The following ZNF566 variants were observed in gnomAD, a reference collection of about 807,000 sequenced individuals.
The protein encoded by ZNF566 is zinc finger protein 566.
Under a neutral mutation model 32.8 loss-of-function variants are expected in ZNF566, and 27 were observed. The observed-to-expected ratio is 0.82, with a 90% CI of 0.61 to 1.14. ZNF566 has a LOEUF of 1.14. ZNF566 is among the 50% of genes most tolerant of loss of function. ZNF566 has a pLI of 0.00. For synonymous variants in ZNF566, 154 were observed against 159.5 expected, an observed-to-expected ratio of 0.97 and a Z score of 0.26; for missense variants, 402 against 490.4, an observed-to-expected ratio of 0.82 and a Z score of 1.70.
intron 4 of ZNF566, among the ~76,000 whole-genome samples, chr19:36,452,752 G>A (rs2033188882): frequency 6.6e-6 from 1 of 151,940 alleles, no homozygotes; most frequent in Non-Finnish European, 1.5e-5. Flanking sequence ...TGTAAAGGCA[G>A]GAATATAGTT....
Position 36,447,331 on chromosome 19 carries a change from T to C in ZNF566, c.*1646A>G, listed in dbSNP as rs1458008298. On this transcript the variant is annotated 3_prime_UTR_variant, in exon 5 of 5. Transcript: ENST00000452939. ...GATGTGTACTTCTATATAACTGAAA[T>C]AGTTCCTTGAACATTTGATAAAGTT... is the stretch of plus-strand genomic sequence containing the variant. 6.6e-6 allele frequency: 1 copy of C among 152,170 alleles called. No individual in the cohort carries two copies. The highest frequency in any genetic ancestry group is 1.5e-5 in the Non-Finnish European group (1 of 68,030). The allele number at this position is 152,170 out of a possible 1,614,324, so 9.4% of individuals were successfully genotyped here. A position where few individuals can be genotyped will look rare whatever the true frequency, so the allele number is the denominator to read the frequency against.
At chr19:36,471,213 CAAAAAAAA>C (rs66905791) in intron 4 of ZNF566, among the ~76,000 whole-genome samples, 1 of 107,486 alleles carries the variant, frequency 9.3e-6, no homozygotes, top group Admixed American at 1.0e-4. Context: ...GACTCTGTCT[CAAAAAAAA>C]AAAAAAAAAA....
Position 36,482,505 on chromosome 19 carries a change from GA to G in ZNF566, c.-59-5890del, listed in dbSNP as rs57258023. Among the ~76,000 whole-genome samples, 1,063 of 138,230 alleles carry G rather than the reference GA, an allele frequency of 7.7e-3. 9 individuals are homozygous for G. The highest frequency in any genetic ancestry group is 0.024 in the East Asian group (116 of 4,796). 90.7% of individuals were successfully genotyped at this position (138,230 alleles called of 152,430 possible). A position where few individuals can be genotyped will look rare whatever the true frequency, so the allele number is the denominator to read the frequency against. On this transcript the variant is annotated intron_variant, in intron 1 of 4. Coordinates refer to ENST00000452939, the MANE Select transcript of ZNF566 (RefSeq NM_001145344.1). ...ATCCTTAAATGTAAGAAAAATGTAA[GA>G]AAAAAAAAAAACATACTGAAAAGAG...
chr19:36,472,749 T>TA (rs1465581662), intron 4 of ZNF566, among the ~76,000 whole-genome samples, 162 bp downstream of exon 4: 1 of 152,186 alleles, frequency 6.6e-6, no homozygotes, highest in Non-Finnish European at 1.5e-5. Flanking sequence ...CAAAGTGTGT[T>TA]AGGTAAAGGG....
chr19:36,458,246 C>T (rs908209947), intron 4 of ZNF566, among the ~76,000 whole-genome samples: 5 of 152,020 alleles, frequency 3.3e-5, no homozygotes, highest in Non-Finnish European at 7.4e-5. Context: ...TATGTATACA[C>T]ACACACATAC....
intron 4 of ZNF566, among the ~76,000 whole-genome samples, chr19:36,466,861 G>T (rs759257388): frequency 6.6e-6 from 1 of 151,818 alleles, no homozygotes; most frequent in East Asian, 1.9e-4. Flanking sequence ...AAGGTCAGGA[G>T]ATCGAGACCA....
chr19:36,473,701 T>C (rs2033819794), intron 2 of ZNF566, among the ~76,000 whole-genome samples: 1 of 152,122 alleles, frequency 6.6e-6, no homozygotes, highest in African/African-American at 2.4e-5. Flanking sequence ...CAAACAAGGT[T>C]GGGAAGGTAC....
intron 2 of ZNF566, among the ~76,000 whole-genome samples, chr19:36,474,420 C>A (rs1190125132): frequency 6.6e-6 from 1 of 152,152 alleles, no homozygotes; most frequent in East Asian, 1.9e-4. Context: ...AGAACAAAGC[C>A]ATGAGCTCGC....
intron 1 of ZNF566, among the ~76,000 whole-genome samples, chr19:36,477,526 G>GGTT (rs2033919341): frequency 3.7e-5 from 4 of 107,002 alleles, no homozygotes; most frequent in Admixed American, 8.9e-5. Context: ...TTCTGTTTCT[G>GGTT]TTTTTTTTTT....
rs75458197 is a variant in ZNF566, at chr19:36,482,382, G to A, written c.-59-5766C>T. Among the ~76,000 whole-genome samples, 318 of 150,856 alleles carry A rather than the reference G, an allele frequency of 2.1e-3. 1 individual carries two copies. The highest frequency in any genetic ancestry group is 7.3e-3 in the African/African-American group (303 of 41,298). On this transcript the variant is annotated intron_variant, in intron 1 of 4. Transcript: ENST00000452939. ...GGCCTCCCAAAGTGTTGGGATTACAGGAGTGAGCCACTGTCCCCTGCGAAT... is the reference window on the plus strand; with the variant it reads ...GGCCTCCCAAAGTGTTGGGATTACAAGAGTGAGCCACTGTCCCCTGCGAAT...
chr19:36,453,444 G>A (rs566224413), intron 4 of ZNF566, among the ~76,000 whole-genome samples: 1 of 151,026 alleles, frequency 6.6e-6, no homozygotes, highest in Admixed American at 6.6e-5. Flanking sequence ...CTGCACTCCA[G>A]CCTGGGTGAC....
chr19:36,471,649 T>C (rs1448034701), intron 4 of ZNF566, among the ~76,000 whole-genome samples: 1 of 152,190 alleles, frequency 6.6e-6, no homozygotes, highest in Non-Finnish European at 1.5e-5. Flanking sequence ...TTATTTCTTT[T>C]AGTATTTACT....
intron 1 of ZNF566, among the ~76,000 whole-genome samples, chr19:36,478,861 A>G (rs1220606744): frequency 3.3e-5 from 5 of 152,354 alleles, no homozygotes; most frequent in African/African-American, 1.2e-4. Flanking sequence ...ACTGCTGACT[A>G]TAAAAGCAAT....
intron 4 of ZNF566, among the ~76,000 whole-genome samples, chr19:36,467,328 A>G (rs2033639284): frequency 6.7e-6 from 1 of 149,962 alleles, no homozygotes; most frequent in Admixed American, 6.6e-5. Flanking sequence ...CCAGCTACAC[A>G]GGAGGCTGAG....
chr19:36,486,229 G>T (rs2034158216), intron 1 of ZNF566, among the ~76,000 whole-genome samples: 1 of 152,148 alleles, frequency 6.6e-6, no homozygotes, highest in Non-Finnish European at 1.5e-5. Flanking sequence ...ATTGGATCCT[G>T]AAACAGTAAG....
In ZNF566 at chr19:36,448,783, T is replaced by G. The variant is rs2033059187; in HGVS notation, c.*194A>C. 2.1e-6 allele frequency: 1 copy of G among 478,272 alleles called. No homozygotes were observed. The highest frequency in any genetic ancestry group is 3.6e-6 in the Non-Finnish European group (1 of 278,856). The allele number at this position is 478,272 out of a possible 1,614,324, so 29.6% of individuals were successfully genotyped here. ...TATCTGATGTCAAGAGAAGTAAGCG[T>G]TTAGTTAAGGGCTTCCAAAGTATAT... On this transcript the variant is annotated 3_prime_UTR_variant, in exon 5 of 5. Transcript: ENST00000452939.
chr19:36,475,255 G>A (rs1315435229), intron 2 of ZNF566, among the ~76,000 whole-genome samples: 1 of 152,014 alleles, frequency 6.6e-6, no homozygotes, highest in African/African-American at 2.4e-5. Flanking sequence ...ATGTTGCCCA[G>A]GCTAGTCACC....
intron 4 of ZNF566, among the ~76,000 whole-genome samples, chr19:36,469,933 C>G (rs942289474): frequency 6.7e-6 from 1 of 150,074 alleles, no homozygotes; most frequent in Non-Finnish European, 1.5e-5. Flanking sequence ...AAAAAAAAAA[C>G]AGAATTATAT....
chr19:36,487,272 A>T lies in ZNF566; in HGVS notation c.-60+2214T>A, dbSNP rs368872355. ...ATGGAGTGTAAACTGGAACAACCACATGAGAGCTTCGTAGTATCTATTAAA... is the reference window on the plus strand; with the variant it reads ...ATGGAGTGTAAACTGGAACAACCACTTGAGAGCTTCGTAGTATCTATTAAA... On this transcript the variant is annotated intron_variant, in intron 1 of 4. Transcript: ENST00000452939. Among the ~76,000 whole-genome samples the T allele has an allele frequency of 7.9e-5, 12 of 152,230 alleles. 1 individual carries two copies. The East Asian group carries it at 2.3e-3, about 29-fold the overall frequency.
Sources: gnomAD v4.1 joint callset for allele counts (sites outside exome capture counted in the v4.1 genomes callset) on GRCh38, gnomAD v4.1.1 for gene constraint, MANE v1.5 for transcripts, NCBI Gene and HGNC (gene_info 2026-07-23, HGNC 2026-07-21) for gene names.